The following PCBP1 variants were observed in gnomAD, a reference collection of about 807,000 sequenced individuals.
PCBP1 encodes the protein poly(rC) binding protein 1, also known as poly(rC)-binding protein 1.
For synonymous variants in PCBP1, 284 were observed against 195.8 expected, an observed-to-expected ratio of 1.45 and a Z score of -3.76; for missense variants, 244 against 474.4, an observed-to-expected ratio of 0.51 and a Z score of 4.51.
chr2:70,088,040 C>G lies in PCBP1; in HGVS notation c.297C>G (p.Thr99=), dbSNP rs754355726. ...NSTAASRPPV[T]LRLVVPATQC... ...CCGCGGCCAGCAGGCCCCCGGTCAC[C>G]CTGAGGCTGGTGGTGCCGGCCACCC... Residue 99 remains threonine (T), a synonymous_variant, in exon 1 of 1, where the codon ACC becomes ACG. Coordinates refer to ENST00000303577, the MANE Select transcript of PCBP1 (RefSeq NM_006196.4). The surrounding 1 kb of genome is among the most constrained non-coding windows in gnomAD (Gnocchi z 4.5). The G allele has an allele frequency of 1.5e-5, 24 of 1,613,686 alleles. No individual in the cohort carries two copies. Among genetic ancestry groups the G allele is most frequent in the Admixed American group, 3.3e-5 (2 of 59,994 alleles).
In PCBP1 at chr2:70,088,842, T is replaced by A; in HGVS notation, c.*28T>A. 6.7e-7 allele frequency: 1 copy of A among 1,491,266 alleles called. No homozygotes were observed. Among genetic ancestry groups the A allele is most frequent in the Non-Finnish European group, 9.2e-7 (1 of 1,086,602 alleles). 92.4% of individuals were successfully genotyped at this position (1,491,266 alleles called of 1,614,324 possible). A position where few individuals can be genotyped will look rare whatever the true frequency, so the allele number is the denominator to read the frequency against. ...CAGTGTAGGTTCCCTCAATAACCCC[T>A]TTCTGCTGTTCTCCCATGATCCAAC... On this transcript the variant is annotated 3_prime_UTR_variant, in exon 1 of 1. Transcript: ENST00000303577. The surrounding 1 kb of genome is among the most constrained non-coding windows in gnomAD (Gnocchi z 4.5).
rs200397009 is a variant in PCBP1 at position 70,087,736 on chromosome 2, C to G, written c.-8C>G. Reference sequence around the variant, plus strand: ...CCCAACTCCCCCGAACGCCGCCCGCCGCTCGCCATGGATGCCGGTGTGACT... The same window carrying G: ...CCCAACTCCCCCGAACGCCGCCCGCGGCTCGCCATGGATGCCGGTGTGACT... On this transcript the variant is annotated 5_prime_UTR_variant, in exon 1 of 1. Transcript: ENST00000303577. The G allele has an allele frequency of 6.5e-7, 1 of 1,528,692 alleles. No homozygotes were observed. The highest frequency in any genetic ancestry group is 8.8e-7 in the Non-Finnish European group (1 of 1,133,310). The allele number at this position is 1,528,692 out of a possible 1,614,324, so 94.7% of individuals were successfully genotyped here.
chr2:70,087,667 TC>T lies in PCBP1; in HGVS notation c.-73del. 1 of 1,001,090 alleles carries T rather than the reference TC, an allele frequency of 1.0e-6. No homozygotes were observed. Among genetic ancestry groups the T allele is most frequent in the Non-Finnish European group, 1.5e-6 (1 of 685,036 alleles). 62.0% of individuals were successfully genotyped at this position (1,001,090 alleles called of 1,614,324 possible). ...GCGCCGGCAGTTTTGGGCCTACACC[TC>T]CCCTCCCCCCGCCAGCCGCCAAAGA... is the stretch of plus-strand genomic sequence containing the variant. On this transcript the variant is annotated 5_prime_UTR_variant, in exon 1 of 1. Coordinates refer to ENST00000303577, the MANE Select transcript of PCBP1 (RefSeq NM_006196.4).
At position 70,087,929 on chromosome 2, in the gene PCBP1, C is replaced by G; in HGVS notation, c.186C>G (p.Thr62=). The change falls in exon 1 of 1, where the codon ACC becomes ACG. Residue 62 remains threonine (T), a synonymous_variant. Coordinates refer to ENST00000303577, the MANE Select transcript of PCBP1 (RefSeq NM_006196.4). ...GNCPERIITL[T]GPTNAIFKAF... is the part of the protein sequence containing the mutation. ...GTCCGGAGAGAATCATCACTCTGAC[C>G]GGCCCCACCAATGCCATCTTTAAGG... is the stretch of plus-strand genomic sequence containing the variant. 1 of 1,611,598 alleles carries G rather than the reference C, an allele frequency of 6.2e-7. No individual in the cohort carries two copies. Among genetic ancestry groups the G allele is most frequent in the Non-Finnish European group, 8.5e-7 (1 of 1,178,104 alleles).
chr2:70,088,697 A>G lies in PCBP1; in HGVS notation c.954A>G (p.Pro318=), dbSNP rs1671378165. The G allele has an allele frequency of 6.2e-7, 1 of 1,614,258 alleles. No individual in the cohort carries two copies. The change falls in exon 1 of 1, where the codon CCA becomes CCG. Residue 318 remains proline, a synonymous_variant. Coordinates refer to ENST00000303577, the MANE Select transcript of PCBP1 (RefSeq NM_006196.4). This position sits in a 1 kb window ranked among gnomAD's most constrained non-coding sequence, Gnocchi z 4.5. The part of the protein sequence containing the change: ...MSGAQIKIAN[P]VEGSSGRQVT... Reference sequence around the variant, plus strand: ...GGGCCCAGATCAAAATTGCCAACCCAGTGGAAGGCTCCTCTGGTAGGCAGG... The same window carrying G: ...GGGCCCAGATCAAAATTGCCAACCCGGTGGAAGGCTCCTCTGGTAGGCAGG...
chr2:70,088,020 G>A lies in PCBP1; in HGVS notation c.277G>A (p.Ala93Thr). The A allele has an allele frequency of 1.2e-6, 2 of 1,613,842 alleles. No individual in the cohort carries two copies. The highest frequency in any genetic ancestry group is 1.1e-5 in the South Asian group (1 of 91,084). Residue 93 changes from alanine to threonine, a missense_variant, in exon 1 of 1, where the codon GCC becomes ACC. Physicochemically the swap from Ala to Thr is moderately conservative, Grantham distance 58 (BLOSUM62 0). Coordinates refer to ENST00000303577, the MANE Select transcript of PCBP1 (RefSeq NM_006196.4). This position sits in a 1 kb window ranked among gnomAD's most constrained non-coding sequence, Gnocchi z 4.5. ...INSSMTNSTA[A>T]SRPPVTLRLV... is the part of the protein sequence containing the mutation. ...CAGCTCCATGACCAACAGTACCGCG[G>A]CCAGCAGGCCCCCGGTCACCCTGAG... is the stretch of plus-strand genomic sequence containing the variant.
rs1558626594 is a variant in PCBP1, at chr2:70,088,755, C to T, written c.1012C>T (p.Leu338=). Residue 338 remains leucine (L), a synonymous_variant, in exon 1 of 1, where the codon CTG becomes TTG. Coordinates refer to ENST00000303577, the MANE Select transcript of PCBP1 (RefSeq NM_006196.4). The surrounding 1 kb of genome is among the most constrained non-coding windows in gnomAD (Gnocchi z 4.5). The stretch of plus-strand genomic sequence containing the variant: ...CACTGGCTCTGCTGCCAGTATTAGT[C>T]TGGCCCAGTATCTAATCAATGCCAG... ...TITGSAASIS[L]AQYLINARLS... The T allele has an allele frequency of 3.1e-6, 5 of 1,614,172 alleles. No individual in the cohort carries two copies. Among genetic ancestry groups the T allele is most frequent in the South Asian group, 2.2e-5 (2 of 91,078 alleles).
chr2:70,087,636 C>T lies in PCBP1; in HGVS notation c.-108C>T, dbSNP rs376272118. On this transcript the variant is annotated 5_prime_UTR_variant, in exon 1 of 1. Coordinates refer to ENST00000303577, the MANE Select transcript of PCBP1 (RefSeq NM_006196.4). ...CCCGCTCGCTCCCGCGGCCCTCGCT[C>T]GCCTCGCGCCGGCAGTTTTGGGCCT... 2.0e-3 allele frequency: 1,283 copies of T among 648,030 alleles called. 13 individuals carry two copies. The African/African-American group carries it at 0.022, about 11-fold the overall frequency. The allele number at this position is 648,030 out of a possible 1,614,324, so 40.1% of individuals were successfully genotyped here.
Position 70,088,265 on chromosome 2 carries a change from G to A in PCBP1, c.522G>A (p.Pro174=). ...TGCTGGAGACGCTCTCCCAGTCTCC[G>A]CAAGGGAGAGTCATGACCATTCCGT... ...LVMLETLSQS[P]QGRVMTIPYQ... Residue 174 remains proline, a synonymous_variant, in exon 1 of 1, where the codon CCG becomes CCA. Coordinates refer to ENST00000303577, the MANE Select transcript of PCBP1 (RefSeq NM_006196.4). The surrounding 1 kb of genome is among the most constrained non-coding windows in gnomAD (Gnocchi z 4.5). 1 of 1,613,786 alleles carries A rather than the reference G, an allele frequency of 6.2e-7. No homozygotes were observed. The highest frequency in any genetic ancestry group is 8.5e-7 in the Non-Finnish European group (1 of 1,180,028).
In PCBP1 at chr2:70,087,769, G is replaced by A; in HGVS notation, c.26G>A (p.Gly9Glu). 6.4e-7 allele frequency: 1 copy of A among 1,564,248 alleles called. No individual in the cohort carries two copies. The highest frequency in any genetic ancestry group is 8.7e-7 in the Non-Finnish European group (1 of 1,152,164). MDAGVTESGLNVTLTIRLL... is the reference protein window; with the variant it reads MDAGVTESELNVTLTIRLL... ...ATGGATGCCGGTGTGACTGAAAGTGGACTAAATGTGACTCTCACCATTCGG... is the reference window on the plus strand; with the variant it reads ...ATGGATGCCGGTGTGACTGAAAGTGAACTAAATGTGACTCTCACCATTCGG... The change falls in exon 1 of 1, where the codon GGA (glycine) becomes GAA (glutamate). Residue 9 changes from glycine to glutamate, a missense_variant. Gly to Glu is a moderately conservative substitution (Grantham distance 98). Transcript: ENST00000303577.
At position 70,088,124 on chromosome 2, in the gene PCBP1, G is replaced by T; in HGVS notation, c.381G>T (p.Thr127=). ...GCKIKEIRES[T]GAQVQVAGDM... ...AGATCAAAGAGATCCGCGAGAGTAC[G>T]GGGGCGCAGGTCCAGGTGGCGGGGG... is the stretch of plus-strand genomic sequence containing the variant. The change falls in exon 1 of 1, where the codon ACG becomes ACT. Residue 127 remains threonine, a synonymous_variant. Coordinates refer to ENST00000303577, the MANE Select transcript of PCBP1 (RefSeq NM_006196.4). This position sits in a 1 kb window ranked among gnomAD's most constrained non-coding sequence, Gnocchi z 4.5. The T allele has an allele frequency of 1.9e-6, 3 of 1,613,936 alleles. No homozygotes were observed. The highest frequency in any genetic ancestry group is 2.5e-6 in the Non-Finnish European group (3 of 1,180,030).
At position 70,088,557 on chromosome 2, in the gene PCBP1, G is replaced by A; in HGVS notation, c.814G>A (p.Ala272Thr). Reference sequence around the variant, plus strand: ...CTCTCCAGAGGTGAAAGGCTATTGGGCAAGTTTGGATGCATCTACTCAAAC... The same window carrying A: ...CTCTCCAGAGGTGAAAGGCTATTGGACAAGTTTGGATGCATCTACTCAAAC... Reference protein sequence around the residue: ...SSSPEVKGYWASLDASTQTTH... With the variant: ...SSSPEVKGYWTSLDASTQTTH... The change falls in exon 1 of 1, where the codon GCA becomes ACA. Residue 272 changes from alanine to threonine, a missense_variant. Ala to Thr is a moderately conservative substitution (Grantham distance 58). Coordinates refer to ENST00000303577, the MANE Select transcript of PCBP1 (RefSeq NM_006196.4). The surrounding 1 kb of genome is among the most constrained non-coding windows in gnomAD (Gnocchi z 4.5). 6.2e-7 allele frequency: 1 copy of A among 1,614,244 alleles called. No individual in the cohort carries two copies. Among genetic ancestry groups the A allele is most frequent in the Non-Finnish European group, 8.5e-7 (1 of 1,180,048 alleles).
rs1295224854 is a variant in PCBP1 at position 70,087,689 on chromosome 2, A to C, written c.-55A>C. ...ACCTCCCCTCCCCCCGCCAGCCGCC[A>C]AAGACTTGACCACGTAACGAGCCCA... On this transcript the variant is annotated 5_prime_UTR_variant, in exon 1 of 1. Coordinates refer to ENST00000303577, the MANE Select transcript of PCBP1 (RefSeq NM_006196.4). 1.1e-5 allele frequency: 14 copies of C among 1,241,788 alleles called. No homozygotes were observed. Among genetic ancestry groups the C allele is most frequent in the African/African-American group, 1.5e-5 (1 of 65,626 alleles). 76.9% of individuals were successfully genotyped at this position (1,241,788 alleles called of 1,614,324 possible).
Position 70,088,205 on chromosome 2 carries a change from T to G in PCBP1, c.462T>G (p.Ser154=), listed in dbSNP as rs747254972. The G allele has an allele frequency of 6.2e-7, 1 of 1,613,816 alleles. No individual in the cohort carries two copies. The highest frequency in any genetic ancestry group is 8.5e-7 in the Non-Finnish European group (1 of 1,180,026). Reference sequence around the variant, plus strand: ...TCACCATCGCTGGCGTGCCGCAGTCTGTCACCGAGTGTGTCAAGCAGATTT... The same window carrying G: ...TCACCATCGCTGGCGTGCCGCAGTCGGTCACCGAGTGTGTCAAGCAGATTT... ...RAITIAGVPQ[S]VTECVKQICL... is the part of the protein sequence containing the mutation. The change falls in exon 1 of 1, where the codon TCT becomes TCG. Residue 154 remains serine (S), a synonymous_variant. Transcript: ENST00000303577. The surrounding 1 kb of genome is among the most constrained non-coding windows in gnomAD (Gnocchi z 4.5).
rs1251093298 is a variant in PCBP1 at position 70,087,508 on chromosome 2, C to T, written c.-236C>T. On this transcript the variant is annotated 5_prime_UTR_variant, in exon 1 of 1. Coordinates refer to ENST00000303577, the MANE Select transcript of PCBP1 (RefSeq NM_006196.4). ...CCGAGGCTGCCGCCGGAGTCGCCAC[C>T]GCCGCGCCCTCGCCCACCCGCCCGC... 1.3e-5 allele frequency: 2 copies of T among 148,622 alleles called. No individual in the cohort carries two copies. The highest frequency in any genetic ancestry group is 3.6e-3 in the Middle Eastern group (1 of 280). The allele number at this position is 148,622 out of a possible 1,614,324, so 9.2% of individuals were successfully genotyped here. A position where few individuals can be genotyped will look rare whatever the true frequency, so the allele number is the denominator to read the frequency against.
chr2:70,088,944 C>G lies in PCBP1; in HGVS notation c.*130C>G. The G allele has an allele frequency of 6.1e-6, 4 of 651,288 alleles. No individual in the cohort carries two copies. Among genetic ancestry groups the G allele is most frequent in the Non-Finnish European group, 1.0e-5 (4 of 381,626 alleles). 40.3% of individuals were successfully genotyped at this position (651,288 alleles called of 1,614,324 possible). ...AGTTTCTACACAACTTTATCATCCG[C>G]TAAGAATTTAAAAATCACATTCTCT... On this transcript the variant is annotated 3_prime_UTR_variant, in exon 1 of 1. Coordinates refer to ENST00000303577, the MANE Select transcript of PCBP1 (RefSeq NM_006196.4). The surrounding 1 kb of genome is among the most constrained non-coding windows in gnomAD (Gnocchi z 4.5).
rs1671383405 is a variant in PCBP1 at position 70,088,892 on chromosome 2, C to T, written c.*78C>T. 2 of 1,034,882 alleles carry T rather than the reference C, an allele frequency of 1.9e-6. No homozygotes were observed. The highest frequency in any genetic ancestry group is 2.8e-6 in the Non-Finnish European group (2 of 712,852). The allele number at this position is 1,034,882 out of a possible 1,614,324, so 64.1% of individuals were successfully genotyped here. Reference sequence around the variant, plus strand: ...CTGTGTAATTTCTGGTCAGTGATTCCAGGTTTTAAATAATTTGTAAGTGTT... The same window carrying T: ...CTGTGTAATTTCTGGTCAGTGATTCTAGGTTTTAAATAATTTGTAAGTGTT... On this transcript the variant is annotated 3_prime_UTR_variant, in exon 1 of 1. Coordinates refer to ENST00000303577, the MANE Select transcript of PCBP1 (RefSeq NM_006196.4). This position sits in a 1 kb window ranked among gnomAD's most constrained non-coding sequence, Gnocchi z 4.5.
At position 70,088,514 on chromosome 2, in the gene PCBP1, C is replaced by T. The variant is rs762345671; in HGVS notation, c.771C>T (p.Phe257=). ...HFAMMHGGTG[F]AGIDSSSPEV... is the part of the protein sequence containing the mutation. ...CCATGATGCACGGCGGGACCGGATT[C>T]GCCGGAATTGACTCCAGCTCTCCAG... The change falls in exon 1 of 1, where the codon TTC becomes TTT. Residue 257 remains phenylalanine, a synonymous_variant. Transcript: ENST00000303577. This position sits in a 1 kb window ranked among gnomAD's most constrained non-coding sequence, Gnocchi z 4.5. 7 of 1,614,158 alleles carry T rather than the reference C, an allele frequency of 4.3e-6. No homozygotes were observed. Among genetic ancestry groups the T allele is most frequent in the Admixed American group, 1.7e-5 (1 of 60,014 alleles).
chr2:70,088,502 C>G lies in PCBP1; in HGVS notation c.759C>G (p.Gly253=). The stretch of plus-strand genomic sequence containing the variant: ...AGTCTCACTTTGCCATGATGCACGG[C>G]GGGACCGGATTCGCCGGAATTGACT... ...RQQSHFAMMH[G]GTGFAGIDSS... is the part of the protein sequence containing the mutation. The change falls in exon 1 of 1, where the codon GGC becomes GGG. Residue 253 remains glycine (G), a synonymous_variant. Transcript: ENST00000303577. This position sits in a 1 kb window ranked among gnomAD's most constrained non-coding sequence, Gnocchi z 4.5. The G allele has an allele frequency of 6.2e-7, 1 of 1,614,266 alleles. No homozygotes were observed. The highest frequency in any genetic ancestry group is 8.5e-7 in the Non-Finnish European group (1 of 1,180,042).
Sources: gnomAD v4.1 joint callset for allele counts on GRCh38, gnomAD v4.1.1 for gene constraint, Gnocchi (gnomAD v3.1) non-coding constraint, MANE v1.5 for transcripts, NCBI Gene and HGNC (gene_info 2026-07-23, HGNC 2026-07-21) for gene names.